Variants in SAMD8 observed in about 807,000 individuals in gnomAD.
The protein encoded by SAMD8 is sphingomyelin synthase-related protein 1.
SAMD8 carries 20 observed loss-of-function variants against 42.0 expected under a neutral mutation model. That is an observed-to-expected ratio of 0.48 (90% confidence interval 0.34 to 0.69). The LOEUF (loss-of-function observed/expected upper bound fraction) is 0.69, where lower values mean the gene tolerates loss of function less well. SAMD8 is among the 30% of genes least tolerant of loss of function. SAMD8 has a pLI of 0.01. For synonymous variants in SAMD8, 162 were observed against 173.0 expected, an observed-to-expected ratio of 0.94 and a Z score of 0.50; for missense variants, 328 against 511.6, an observed-to-expected ratio of 0.64 and a Z score of 3.46.
intron 1 of SAMD8, among the ~76,000 whole-genome samples, chr10:75,142,524 C>T (rs946840950): frequency 1.1e-4 from 16 of 152,122 alleles, no homozygotes; most frequent in African/African-American, 3.9e-4. Context: ...GCAACCTCCG[C>T]TTCCCAGGTT....
chr10:75,108,045 G>A, upstream of SAMD8: 1 of 1,613,858 alleles, frequency 6.2e-7, no homozygotes, highest in Non-Finnish European at 8.5e-7. Flanking sequence ...GGAGAAGTAG[G>A]CACTGATGTC....
At chr10:75,149,689 A>G (rs1840235827) in intron 1 of SAMD8, among the ~76,000 whole-genome samples, 1 of 152,170 alleles carries the variant, frequency 6.6e-6, no homozygotes, top group African/African-American at 2.4e-5. Context: ...TTTTCCATGA[A>G]CATGGAGATT....
intron 1 of SAMD8, chr10:75,125,931 T>G (rs1436635684): frequency 6.6e-6 from 1 of 152,186 alleles, no homozygotes; most frequent in Non-Finnish European, 1.5e-5. Flanking sequence ...AAAGTGGAGA[T>G]TATACTAAAA....
intron 1 of SAMD8, among the ~76,000 whole-genome samples, chr10:75,121,018 A>G (rs1477893942): frequency 6.6e-6 from 1 of 151,200 alleles, no homozygotes; most frequent in Non-Finnish European, 1.5e-5. Flanking sequence ...CCTCAGTGAT[A>G]TACCCACTTC....
At chr10:75,108,970 C>T (rs1345178301), upstream of SAMD8, 14 of 1,560,938 alleles carry the variant, frequency 9.0e-6, no homozygotes, top group South Asian at 2.4e-5. Context: ...TGCCTCTCCA[C>T]GTCCCCACCC....
chr10:75,154,909 T>C (rs568826253), intron 2 of SAMD8, among the ~76,000 whole-genome samples: 35 of 152,182 alleles, frequency 2.3e-4, no homozygotes, highest in Non-Finnish European at 3.8e-4. Context: ...TTTGTTTTTT[T>C]TGAGACAGGG....
At chr10:75,102,015 A>G in intron 1 of SAMD8, 1 of 1,280,344 alleles carries the variant, frequency 7.8e-7, no homozygotes, top group Non-Finnish European at 1.0e-6. Flanking sequence ...CCCCTCTTCC[A>G]GCCTCCCCTG....
chr10:75,101,808 T>A, intron 1 of SAMD8: 11 of 871,726 alleles, frequency 1.3e-5, no homozygotes, highest in Non-Finnish European at 1.9e-5. Context: ...CTGGCCCTCA[T>A]TACCCAGCAT....
Position 75,111,718 on chromosome 10 carries a change from C to G in SAMD8, c.-20C>G. ...GGTCCGGGGAGCCCGACTCGGACCG[C>G]GGAGGTGAGCGGGAGCTGAGGCTGA... On this transcript the variant is annotated 5_prime_UTR_variant, in exon 1 of 6. Coordinates refer to ENST00000542569, the MANE Select transcript of SAMD8 (RefSeq NM_001174156.2). 1.6e-6 allele frequency: 2 copies of G among 1,234,018 alleles called. No homozygotes were observed. The highest frequency in any genetic ancestry group is 2.0e-6 in the Non-Finnish European group (2 of 988,894). The allele number at this position is 1,234,018 out of a possible 1,614,324, so 76.4% of individuals were successfully genotyped here. A position where few individuals can be genotyped will look rare whatever the true frequency, so the allele number is the denominator to read the frequency against.
rs542463877 is a variant in SAMD8, at chr10:75,169,396, C to T, written c.792+738C>T. On this transcript the variant is annotated intron_variant, in intron 4 of 5. Coordinates refer to ENST00000542569, the MANE Select transcript of SAMD8 (RefSeq NM_001174156.2). ...GCTACTCGGGAGGCTGAGGTTCAAT[C>T]GCTTGAACCTGGGAGGCGGAGGTTG... Among the ~76,000 whole-genome samples, 10 of 146,100 alleles carry T rather than the reference C, an allele frequency of 6.8e-5. No individual in the cohort carries two copies. In the South Asian group the frequency reaches 2.2e-3, roughly 32 times the overall value.
At chr10:75,101,885 C>T in intron 1 of SAMD8, 1 of 1,367,154 alleles carries the variant, frequency 7.3e-7, no homozygotes, top group Non-Finnish European at 9.8e-7. Context: ...GTATCTGGCC[C>T]AGGCTGTGCA....
intron 2 of SAMD8, among the ~76,000 whole-genome samples, chr10:75,159,424 T>G (rs922703414): frequency 1.3e-5 from 2 of 152,186 alleles, no homozygotes; most frequent in Non-Finnish European, 2.9e-5. Context: ...TTTTACTTAC[T>G]ATGCCACTCA....
chr10:75,153,312 C>T (rs1224984876), intron 2 of SAMD8, among the ~76,000 whole-genome samples: 1 of 151,986 alleles, frequency 6.6e-6, no homozygotes, highest in Non-Finnish European at 1.5e-5. Flanking sequence ...ACATTTTGCC[C>T]TTCTAAAAGT....
intron 1 of SAMD8, among the ~76,000 whole-genome samples, chr10:75,126,630 G>C (rs1437334668): frequency 6.6e-6 from 1 of 151,164 alleles, no homozygotes; most frequent in Non-Finnish European, 1.5e-5. Context: ...GCCTCCTGAG[G>C]ACCTGGGACT....
chr10:75,128,004 T>C (rs1849184202), intron 1 of SAMD8, among the ~76,000 whole-genome samples: 1 of 152,154 alleles, frequency 6.6e-6, no homozygotes, highest in African/African-American at 2.4e-5. Context: ...CCCTGTATTA[T>C]TTTGAACCTT....
At chr10:75,168,438 G>A in intron 3 of SAMD8, 103 bp from the exon 4 acceptor site, 1 of 1,534,916 alleles carries the variant, frequency 6.5e-7, no homozygotes, top group Non-Finnish European at 8.8e-7. Context: ...AAAGAGTCTA[G>A]TGATTTTTCT....
At chr10:75,151,574 ACTC>A (rs1194802139) in intron 2 of SAMD8, among the ~76,000 whole-genome samples, 2 of 151,858 alleles carry the variant, frequency 1.3e-5, no homozygotes, top group Non-Finnish European at 2.9e-5. Context: ...GGCTGGGTGA[ACTC>A]CTAGGCTGAA....
At chr10:75,134,111 G>A (rs903707361) in intron 1 of SAMD8, among the ~76,000 whole-genome samples, 3 of 152,100 alleles carry the variant, frequency 2.0e-5, no homozygotes, top group Non-Finnish European at 2.9e-5. Context: ...GGGACAAATG[G>A]CATTTAGTGG....
chr10:75,167,220 G>A (rs1161760969), intron 3 of SAMD8, among the ~76,000 whole-genome samples: 1 of 152,142 alleles, frequency 6.6e-6, no homozygotes, highest in Non-Finnish European at 1.5e-5. Context: ...GTTAGAATGA[G>A]TATTCGATAG....
Sources: allele counts gnomAD v4.1 joint callset (sites outside exome capture counted in the v4.1 genomes callset), GRCh38; gene constraint gnomAD v4.1.1; transcripts MANE v1.5; gene names NCBI Gene and HGNC (gene_info 2026-07-23, HGNC 2026-07-21).